LLPH: variants seen among roughly 807,000 people sequenced by gnomAD.
The protein encoded by LLPH is protein LLP homolog.
LLPH carries 5 observed loss-of-function variants against 13.3 expected under a neutral mutation model. The ratio of observed to expected loss-of-function variants is 0.38; its 90% CI spans 0.20 to 0.79. The LOEUF is 0.79. Ranked by LOEUF, LLPH falls within the 30% of genes least tolerant of loss-of-function variation. LLPH has a pLI of 0.45. For synonymous variants in LLPH, 32 were observed against 44.2 expected (o/e 0.72, Z 1.09); for missense variants, 129 against 152.1 (o/e 0.85, Z 0.80).
Position 66,116,662 on chromosome 12 carries a change from A to C in LLPH, c.*7178T>G, listed in dbSNP as rs955864331. 1.3e-5 allele frequency: 2 copies of C among 152,252 alleles called. No individual in the cohort carries two copies. The highest frequency in any genetic ancestry group is 2.9e-5 in the Non-Finnish European group (2 of 68,042). The allele number at this position is 152,252 out of a possible 1,614,324, so 9.4% of individuals were successfully genotyped here. On this transcript the variant is annotated 3_prime_UTR_variant, in exon 3 of 3. Transcript: ENST00000266604. ...CTAAGACTATTTAAAGGTTTTGCTG[A>C]TATTGAAAACTATAAAGACACAATG... is the stretch of plus-strand genomic sequence containing the variant.
chr12:66,126,586 C>T (rs960913182), intron 2 of LLPH, among the ~76,000 whole-genome samples: 35 of 152,194 alleles, frequency 2.3e-4, no homozygotes, highest in African/African-American at 8.2e-4. Context: ...AGGCAAAAGA[C>T]TTGAGTAGAC....
Position 66,129,116 on chromosome 12 carries a change from G to A in LLPH, c.-7-3C>T, listed in dbSNP as rs2051516955. 2 of 1,583,590 alleles carry A rather than the reference G, an allele frequency of 1.3e-6. No individual in the cohort carries two copies. The highest frequency in any genetic ancestry group is 1.7e-6 in the Non-Finnish European group (2 of 1,160,826). On this transcript the variant is annotated splice_polypyrimidine_tract_variant and splice_region_variant and intron_variant, in intron 1 of 2. Coordinates refer to ENST00000266604, the MANE Select transcript of LLPH (RefSeq NM_032338.4). Reference sequence around the variant, plus strand: ...GTAAGCTTTTAGCCATGTTTTACCTGAAGTTAACAAAAACACACATTCAAA... The same window carrying A: ...GTAAGCTTTTAGCCATGTTTTACCTAAAGTTAACAAAAACACACATTCAAA...
intron 2 of LLPH, 119 bp downstream of exon 2, chr12:66,128,777 T>A: frequency 1.4e-6 from 1 of 697,534 alleles, no homozygotes. Flanking sequence ...GCTCAGGAAT[T>A]CAAGGCTGCA....
intron 2 of LLPH, among the ~76,000 whole-genome samples, chr12:66,125,011 C>T (rs1373774761): frequency 6.6e-6 from 1 of 152,036 alleles, no homozygotes; most frequent in Non-Finnish European, 1.5e-5. Flanking sequence ...TGGGCTTGGT[C>T]ACGCCTGTGA....
chr12:66,119,671 C>G lies in LLPH; in HGVS notation c.*4169G>C, dbSNP rs2051450915. 1 of 152,230 alleles carries G rather than the reference C, an allele frequency of 6.6e-6. No individual in the cohort carries two copies. Among genetic ancestry groups the G allele is most frequent in the Admixed American group, 6.5e-5 (1 of 15,282 alleles). 9.4% of individuals were successfully genotyped at this position (152,230 alleles called of 1,614,324 possible). A position where few individuals can be genotyped will look rare whatever the true frequency, so the allele number is the denominator to read the frequency against. On this transcript the variant is annotated 3_prime_UTR_variant, in exon 3 of 3. Coordinates refer to ENST00000266604, the MANE Select transcript of LLPH (RefSeq NM_032338.4). ...TCACTTAACTAGTAAGATTAGCCAA[C>G]AGCTTAGCATCTGCATTTCTATTGT... is the stretch of plus-strand genomic sequence containing the variant.
rs1051188795 is a variant in LLPH, at chr12:66,123,461, A to G, written c.*379T>C. On this transcript the variant is annotated 3_prime_UTR_variant, in exon 3 of 3. Coordinates refer to ENST00000266604, the MANE Select transcript of LLPH (RefSeq NM_032338.4). ...TTTTTAAATGATATGATTATACAAC[A>G]ACTTTCTTTAAAATCTAAGTTCACA... 2.2e-5 allele frequency: 4 copies of G among 184,702 alleles called. No homozygotes were observed. Among genetic ancestry groups the G allele is most frequent in the Non-Finnish European group, 4.5e-5 (4 of 89,250 alleles). The allele number at this position is 184,702 out of a possible 1,614,324, so 11.4% of individuals were successfully genotyped here.
At chr12:66,130,672 TG>T (rs1307242330) in intron 1 of LLPH, 32 bp downstream of exon 1, 9 of 152,264 alleles carry the variant, frequency 5.9e-5, no homozygotes, top group African/African-American at 2.2e-4. Flanking sequence ...CCAAGTCCCA[TG>T]TGTCACTGGA....
At chr12:66,124,289 T>G in intron 2 of LLPH, among the ~76,000 whole-genome samples, 1 of 152,252 alleles carries the variant, frequency 6.6e-6, no homozygotes, top group East Asian at 1.9e-4. Context: ...ATTTCTCATA[T>G]TAAGTGATTC....
chr12:66,125,733 T>C (rs1473664603), intron 2 of LLPH, among the ~76,000 whole-genome samples: 3 of 152,162 alleles, frequency 2.0e-5, no homozygotes, highest in African/African-American at 7.2e-5. Context: ...CTCCCACACC[T>C]TGTCTCCCTC....
At position 66,117,136 on chromosome 12, in the gene LLPH, G is replaced by A. The variant is rs1231142239; in HGVS notation, c.*6704C>T. On this transcript the variant is annotated 3_prime_UTR_variant, in exon 3 of 3. Transcript: ENST00000266604. ...GCTTTCAACCCAAATTCCAAGAACA[G>A]TTGGCCCTCTGTATCTATGAATTCT... 1.3e-5 allele frequency: 2 copies of A among 152,094 alleles called. No individual in the cohort carries two copies. The highest frequency in any genetic ancestry group is 2.9e-5 in the Non-Finnish European group (2 of 68,022). The allele number at this position is 152,094 out of a possible 1,614,324, so 9.4% of individuals were successfully genotyped here.
intron 1 of LLPH, 195 bp downstream of exon 1, chr12:66,130,510 T>C (rs2051528404): frequency 6.6e-6 from 1 of 152,278 alleles, no homozygotes; most frequent in South Asian, 2.1e-4. Context: ...GGGCTCCACT[T>C]TATCCAGTGC....
At chr12:66,124,257 A>G (rs2051482805) in intron 2 of LLPH, among the ~76,000 whole-genome samples, 1 of 152,226 alleles carries the variant, frequency 6.6e-6, no homozygotes, top group Non-Finnish European at 1.5e-5. Flanking sequence ...TATGGTTCTG[A>G]GCACATGTGA....
At position 66,118,268 on chromosome 12, in the gene LLPH, CAGA is replaced by C. The variant is rs2051441326; in HGVS notation, c.*5569_*5571del. On this transcript the variant is annotated 3_prime_UTR_variant, in exon 3 of 3. Transcript: ENST00000266604. ...ATCCTAGCTAGTCGGGAGGTTGAGG[CAGA>C]AGAATTGCTTGAACCCAGGAGGTGG... 1 of 148,894 alleles carries C rather than the reference CAGA, an allele frequency of 6.7e-6. No individual in the cohort carries two copies. Among genetic ancestry groups the C allele is most frequent in the Admixed American group, 6.9e-5 (1 of 14,582 alleles). The allele number at this position is 148,894 out of a possible 1,614,324, so 9.2% of individuals were successfully genotyped here. A position where few individuals can be genotyped will look rare whatever the true frequency, so the allele number is the denominator to read the frequency against.
At chr12:66,129,147 A>C in intron 1 of LLPH, 34 bp from the exon 2 acceptor site, 3 of 1,377,718 alleles carry the variant, frequency 2.2e-6, no homozygotes, top group Non-Finnish European at 3.1e-6. Flanking sequence ...TCAAAAGCAA[A>C]TCTTTAATAT....
chr12:66,127,020 A>G (rs1490437294), intron 2 of LLPH, among the ~76,000 whole-genome samples: 2 of 152,222 alleles, frequency 1.3e-5, no homozygotes, highest in African/African-American at 2.4e-5. Context: ...CAAAATTACA[A>G]TGAGAATCTA....
chr12:66,126,021 A>G (rs2136829581), intron 2 of LLPH, among the ~76,000 whole-genome samples: 1 of 152,278 alleles, frequency 6.6e-6, no homozygotes, highest in South Asian at 2.1e-4. Context: ...AAAGAACACA[A>G]AGCTATGAAA....
Position 66,123,621 on chromosome 12 carries a change from AAGTATCAGT to A in LLPH, c.*210_*218del. 3.7e-6 allele frequency: 2 copies of A among 541,998 alleles called. No homozygotes were observed. Among genetic ancestry groups the A allele is most frequent in the Admixed American group, 6.8e-5 (2 of 29,454 alleles). 33.6% of individuals were successfully genotyped at this position (541,998 alleles called of 1,614,324 possible). On this transcript the variant is annotated 3_prime_UTR_variant, in exon 3 of 3. Coordinates refer to ENST00000266604, the MANE Select transcript of LLPH (RefSeq NM_032338.4). ...CTGGATATTGGGTAGCATCCAGTTA[AAGTATCAGT>A]AGAGCTTGGATGTATCAAAGAAAAT...
chr12:66,124,717 G>A (rs1440180629), intron 2 of LLPH, among the ~76,000 whole-genome samples: 1 of 152,158 alleles, frequency 6.6e-6, no homozygotes, highest in Non-Finnish European at 1.5e-5. Flanking sequence ...TTAGATATTT[G>A]CCATTGTTTC....
At position 66,122,156 on chromosome 12, in the gene LLPH, T is replaced by C. The variant is rs550681920; in HGVS notation, c.*1684A>G. 1 of 152,230 alleles carries C rather than the reference T, an allele frequency of 6.6e-6. No individual in the cohort carries two copies. Among genetic ancestry groups the C allele is most frequent in the South Asian group, 2.1e-4 (1 of 4,828 alleles). The allele number at this position is 152,230 out of a possible 1,614,324, so 9.4% of individuals were successfully genotyped here. On this transcript the variant is annotated 3_prime_UTR_variant, in exon 3 of 3. Coordinates refer to ENST00000266604, the MANE Select transcript of LLPH (RefSeq NM_032338.4). ...CTTTTCAATAAACTATTGAGAAAAA[T>C]AAGAAAAGTCTACTATATTTAAACA...
Sources: allele counts gnomAD v4.1 joint callset (sites outside exome capture counted in the v4.1 genomes callset), GRCh38; gene constraint gnomAD v4.1.1; transcripts MANE v1.5; gene names NCBI Gene and HGNC (gene_info 2026-07-23, HGNC 2026-07-21).